STK39: variants seen among roughly 807,000 people sequenced by gnomAD.
The protein encoded by STK39 is serine/threonine kinase 39, also known as STE20/SPS1-related proline-alanine-rich protein kinase.
A neutral mutation model predicts 77.8 loss-of-function variants in STK39; 20 were observed. The observed-to-expected ratio is 0.26, with a 90% CI of 0.18 to 0.37. The LOEUF is 0.37. Among genes scored for constraint, STK39 ranks in the 10% least tolerant of loss-of-function variants. STK39 has a pLI of 1.00. For synonymous variants in STK39, 246 were observed against 234.1 expected, an observed-to-expected ratio of 1.05 and a Z score of -0.47; for missense variants, 479 against 656.5, an observed-to-expected ratio of 0.73 and a Z score of 2.95.
intron 1 of STK39, chr2:168,232,128 G>T: frequency 4.1e-6 from 1 of 244,270 alleles, no homozygotes; most frequent in East Asian, 9.4e-5. Context: ...CCAGAGTGCA[G>T]GGACGCACAC....
intron 16 of STK39, among the ~76,000 whole-genome samples, chr2:167,965,341 T>A (rs1368123249): frequency 6.6e-6 from 1 of 152,198 alleles, no homozygotes; most frequent in East Asian, 1.9e-4. Flanking sequence ...AATACCCAAG[T>A]TTGCTGAACA....
intron 14 of STK39, 130 bp downstream of exon 14, chr2:168,063,370 C>T (rs1359935538): frequency 2.5e-6 from 2 of 792,226 alleles, no homozygotes; most frequent in East Asian, 5.6e-5. Context: ...ACAGCATACA[C>T]TCATGGTTCG....
At chr2:168,139,651 T>C (rs976696625) in intron 7 of STK39, among the ~76,000 whole-genome samples, 2 of 152,156 alleles carry the variant, frequency 1.3e-5, no homozygotes, top group Non-Finnish European at 2.9e-5. Flanking sequence ...CCATACTCTA[T>C]GTAAAATAGC....
intron 14 of STK39, among the ~76,000 whole-genome samples, 180 bp downstream of exon 14, chr2:168,063,320 T>C (rs2105384356): frequency 6.6e-6 from 1 of 152,336 alleles, no homozygotes; most frequent in East Asian, 1.9e-4. Context: ...CTTACTCTTC[T>C]TTAGCAAGCA....
At chr2:167,967,547 CTAAGGTA>C (rs1692191818) in intron 16 of STK39, among the ~76,000 whole-genome samples, 3 of 151,918 alleles carry the variant, frequency 2.0e-5, no homozygotes, top group Admixed American at 2.0e-4. Context: ...AACATTTGGC[CTAAGGTA>C]TGATAAGTAT....
Position 167,983,429 on chromosome 2 carries a change from G to A in STK39, c.1499-18703C>T, listed in dbSNP as rs957273492. Among the ~76,000 whole-genome samples, 4 of 141,824 alleles carry A rather than the reference G, an allele frequency of 2.8e-5. No individual in the cohort carries two copies. In the East Asian group the frequency reaches 6.3e-4, roughly 22 times the overall value. The allele number at this position is 141,824 out of a possible 152,430, so 93.0% of individuals were successfully genotyped here. A position where few individuals can be genotyped will look rare whatever the true frequency, so the allele number is the denominator to read the frequency against. On this transcript the variant is annotated intron_variant, in intron 16 of 17. Coordinates refer to ENST00000355999, the MANE Select transcript of STK39 (RefSeq NM_013233.3). ...AGATTGCGCCGTTGCACTCCAGCCT[G>A]CGCAACAAGAGTGAAACTCCATCCA...
chr2:168,205,294 T>C (rs575550070), intron 1 of STK39, among the ~76,000 whole-genome samples: 2 of 152,204 alleles, frequency 1.3e-5, no homozygotes, highest in African/African-American at 4.8e-5. Context: ...AATTGCAAAT[T>C]TGTGAGTATA....
intron 16 of STK39, among the ~76,000 whole-genome samples, chr2:167,967,941 C>T (rs1692205208): frequency 7.0e-6 from 1 of 142,946 alleles, no homozygotes; most frequent in South Asian, 2.4e-4. Flanking sequence ...AACCTTGCCC[C>T]CCTCTCTTCT....
At chr2:168,186,525 T>C (rs776741267) in intron 1 of STK39, among the ~76,000 whole-genome samples, 1 of 152,210 alleles carries the variant, frequency 6.6e-6, no homozygotes, top group Admixed American at 6.5e-5. Flanking sequence ...GTAGTTCCCA[T>C]CTTAGGTTAG....
intron 1 of STK39, among the ~76,000 whole-genome samples, chr2:168,228,456 T>C (rs1299091295): frequency 6.6e-6 from 1 of 152,190 alleles, no homozygotes; most frequent in African/African-American, 2.4e-5. Context: ...GTATAAATTT[T>C]CTACAATGAC....
chr2:168,225,756 G>A (rs753769047), intron 1 of STK39, among the ~76,000 whole-genome samples: 3 of 152,134 alleles, frequency 2.0e-5, no homozygotes, highest in Non-Finnish European at 2.9e-5. Context: ...TCTCTGTCTC[G>A]TGACCAGTTA....
At chr2:168,080,766 G>A (rs538649358) in intron 10 of STK39, among the ~76,000 whole-genome samples, 1 of 152,244 alleles carries the variant, frequency 6.6e-6, no homozygotes, top group Non-Finnish European at 1.5e-5. Context: ...GCTGGGCCCA[G>A]GGTCCCTCTG....
chr2:168,082,104 T>C (rs1686250139), intron 10 of STK39, among the ~76,000 whole-genome samples: 1 of 152,180 alleles, frequency 6.6e-6, no homozygotes, highest in Non-Finnish European at 1.5e-5. Context: ...GCAAAGACAA[T>C]GGATTCCTTC....
chr2:168,214,035 C>T (rs951629319), intron 1 of STK39, among the ~76,000 whole-genome samples: 10 of 152,156 alleles, frequency 6.6e-5, no homozygotes, highest in East Asian at 1.9e-4. Flanking sequence ...AAATCGCCCA[C>T]GTGAAGACCT....
chr2:168,121,102 C>T (rs1574481808), intron 10 of STK39, among the ~76,000 whole-genome samples: 1 of 152,222 alleles, frequency 6.6e-6, no homozygotes, highest in East Asian at 1.9e-4. Flanking sequence ...TGCCTACCTT[C>T]TCCATCTATA....
At chr2:168,118,770 A>ACGGC (rs1687326628) in intron 10 of STK39, among the ~76,000 whole-genome samples, 1 of 152,182 alleles carries the variant, frequency 6.6e-6, no homozygotes, top group African/African-American at 2.4e-5. Context: ...GAAAAAATCT[A>ACGGC]CGGCTGCAAG....
At chr2:168,101,253 G>A (rs1686816402) in intron 10 of STK39, among the ~76,000 whole-genome samples, 2 of 152,150 alleles carry the variant, frequency 1.3e-5, no homozygotes, top group African/African-American at 4.8e-5. Flanking sequence ...AATACCTAAT[G>A]TAGATGATGG....
At chr2:168,017,996 T>G (rs1176251384) in intron 14 of STK39, among the ~76,000 whole-genome samples, 2 of 152,128 alleles carry the variant, frequency 1.3e-5, no homozygotes, top group Admixed American at 6.5e-5. Context: ...AAAATATACA[T>G]GTATATGCAA....
intron 5 of STK39, among the ~76,000 whole-genome samples, chr2:168,158,499 G>A (rs527953791): frequency 1.3e-5 from 2 of 152,192 alleles, no homozygotes; most frequent in African/African-American, 2.4e-5. Context: ...GCCCAAAGGG[G>A]AATCGATTTA....
Sources: allele counts gnomAD v4.1 joint callset (sites outside exome capture counted in the v4.1 genomes callset), GRCh38; gene constraint gnomAD v4.1.1; transcripts MANE v1.5; gene names NCBI Gene and HGNC (gene_info 2026-07-23, HGNC 2026-07-21).